The following RGS7 variants were observed in gnomAD, a reference collection of about 807,000 sequenced individuals.
RGS7 encodes the protein regulator of G protein signaling 7, also known as regulator of G-protein signaling 7.
In RGS7, 27 loss-of-function variants were observed where a neutral mutation model predicts 81.1. The observed-to-expected ratio is 0.33, with a 90% CI of 0.25 to 0.46. The LOEUF (loss-of-function observed/expected upper bound fraction) is 0.46. Ranked by LOEUF, RGS7 falls within the 20% of genes least tolerant of loss-of-function variation. The pLI is 1.00. For missense variants in RGS7, 396 were observed against 607.4 expected (o/e 0.65, Z 3.66); for synonymous variants, 208 against 207.7 (o/e 1.00, Z -0.01).
intron 6 of RGS7, among the ~76,000 whole-genome samples, chr1:240,903,606 A>G (rs188554843): frequency 6.6e-6 from 1 of 152,234 alleles, no homozygotes; most frequent in African/African-American, 2.4e-5. Flanking sequence ...GATGAGTCCA[A>G]GATTTTGCAA....
intron 2 of RGS7, among the ~76,000 whole-genome samples, chr1:241,190,460 T>C (rs2072552602): frequency 6.6e-6 from 1 of 152,142 alleles, no homozygotes. Flanking sequence ...AAAAATTGCA[T>C]TTATGTCCAT....
chr1:240,932,512 A>ATTTTTTTTT lies in RGS7; in HGVS notation c.334-1745_334-1744insAAAAAAAAA, dbSNP rs1388590625. Among the ~76,000 whole-genome samples the ATTTTTTTTT allele has an allele frequency of 2.7e-3, 43 of 16,066 alleles. 4 individuals carry two copies. Among genetic ancestry groups the ATTTTTTTTT allele is most frequent in the Non-Finnish European group, 3.0e-3 (28 of 9,466 alleles). 10.5% of individuals were successfully genotyped at this position (16,066 alleles called of 152,430 possible). On this transcript the variant is annotated intron_variant, in intron 5 of 18. Coordinates refer to ENST00000440928, the MANE Select transcript of RGS7 (RefSeq NM_001364886.1). ...AAACTTTGCTTTCATGTAGGGTGTC[A>ATTTTTTTTT]CTTTTTTTTTTTTTGAGACAGGGTC...
intron 4 of RGS7, among the ~76,000 whole-genome samples, chr1:240,975,394 T>A (rs1345767929): frequency 6.8e-6 from 1 of 147,852 alleles, no homozygotes; most frequent in Non-Finnish European, 1.5e-5. Flanking sequence ...AGAGCAAGAC[T>A]TCGTCTAAAC....
chr1:241,087,974 C>CTATA (rs1267222305), intron 3 of RGS7, among the ~76,000 whole-genome samples: 124 of 115,968 alleles, frequency 1.1e-3, no homozygotes, highest in Admixed American at 3.1e-3. Flanking sequence ...CTCTCTCTCT[C>CTATA]TCTATATATA....
chr1:241,245,940 T>TA (rs2076512646), intron 2 of RGS7, among the ~76,000 whole-genome samples: 1 of 150,584 alleles, frequency 6.6e-6, no homozygotes, highest in Non-Finnish European at 1.5e-5. Flanking sequence ...CCGTCTCTAC[T>TA]AAAAACACAA....
chr1:240,803,034 T>C, intron 15 of RGS7, 41 bp from the exon 16 acceptor site: 3 of 1,375,362 alleles, frequency 2.2e-6, no homozygotes, highest in Non-Finnish European at 3.1e-6. Context: ...TTATGATTTC[T>C]TGGGAAAAGT....
chr1:241,340,638 G>A (rs2082490193), intron 2 of RGS7, among the ~76,000 whole-genome samples: 1 of 151,930 alleles, frequency 6.6e-6, no homozygotes, highest in East Asian at 1.9e-4. Context: ...ACCCAAAAGG[G>A]TCAATTATTG....
At chr1:241,055,558 A>G (rs1174570773) in intron 3 of RGS7, among the ~76,000 whole-genome samples, 1 of 152,188 alleles carries the variant, frequency 6.6e-6, no homozygotes, top group Non-Finnish European at 1.5e-5. Flanking sequence ...AAGGATACAG[A>G]TGAACAGCCT....
At chr1:240,935,157 C>G (rs1418986067) in intron 5 of RGS7, among the ~76,000 whole-genome samples, 1 of 152,040 alleles carries the variant, frequency 6.6e-6, no homozygotes, top group Non-Finnish European at 1.5e-5. Context: ...CCTGGCCTCC[C>G]AAAGTGCTGG....
At chr1:240,975,461 C>T (rs1683932247) in intron 4 of RGS7, among the ~76,000 whole-genome samples, 1 of 151,964 alleles carries the variant, frequency 6.6e-6, no homozygotes, top group African/African-American at 2.4e-5. Context: ...CCTTGATACC[C>T]AGGAGTGACA....
chr1:241,008,883 G>C (rs1165833012), intron 3 of RGS7, among the ~76,000 whole-genome samples: 1 of 126,378 alleles, frequency 7.9e-6, no homozygotes, highest in Admixed American at 1.0e-4. Context: ...TTGCACTCCA[G>C]CCTGGGCAAC....
chr1:241,243,830 T>C (rs1381788768), intron 2 of RGS7, among the ~76,000 whole-genome samples: 1 of 152,098 alleles, frequency 6.6e-6, no homozygotes, highest in African/African-American at 2.4e-5. Context: ...GCAGAGAAAA[T>C]TTCTATTGCA....
intron 6 of RGS7, among the ~76,000 whole-genome samples, chr1:240,875,466 C>T (rs1665239919): frequency 6.6e-6 from 1 of 152,180 alleles, no homozygotes; most frequent in Non-Finnish European, 1.5e-5. Context: ...TGTATCTTGG[C>T]TATTGTGAAT....
At chr1:241,039,879 T>C (rs1397463251) in intron 3 of RGS7, among the ~76,000 whole-genome samples, 2 of 152,204 alleles carry the variant, frequency 1.3e-5, no homozygotes, top group East Asian at 3.9e-4. Flanking sequence ...CTTTGGAAAT[T>C]ACATGTTCAA....
intron 6 of RGS7, among the ~76,000 whole-genome samples, chr1:240,885,394 T>C (rs932268556): frequency 2.6e-5 from 4 of 152,162 alleles, no homozygotes; most frequent in Non-Finnish European, 4.4e-5. Flanking sequence ...GCAATCCCAT[T>C]ACTGGGACTA....
At chr1:241,260,795 C>T (rs1167096001) in intron 2 of RGS7, among the ~76,000 whole-genome samples, 1 of 151,910 alleles carries the variant, frequency 6.6e-6, no homozygotes, top group African/African-American at 2.4e-5. Flanking sequence ...TCTCATTCTG[C>T]TAAATCCTGG....
intron 2 of RGS7, among the ~76,000 whole-genome samples, chr1:241,334,549 G>A (rs544581003): frequency 6.6e-6 from 1 of 152,292 alleles, no homozygotes; most frequent in South Asian, 2.1e-4. Context: ...ACAGTGAAAG[G>A]CTGTTAGTTG....
chr1:240,782,014 CAA>C (rs113027458), intron 18 of RGS7, among the ~76,000 whole-genome samples: 1 of 128,930 alleles, frequency 7.8e-6, no homozygotes, highest in Non-Finnish European at 1.7e-5. Context: ...GACTCCGTCT[CAA>C]AAAAAAAAAA....
chr1:241,276,861 CT>C (rs1171928977), intron 2 of RGS7, among the ~76,000 whole-genome samples: 1 of 152,046 alleles, frequency 6.6e-6, no homozygotes, highest in African/African-American at 2.4e-5. Flanking sequence ...TATTTTATTT[CT>C]TTTCGTTCTT....
Sources: gnomAD v4.1 joint callset for allele counts (sites outside exome capture counted in the v4.1 genomes callset) on GRCh38, gnomAD v4.1.1 for gene constraint, MANE v1.5 for transcripts, NCBI Gene and HGNC (gene_info 2026-07-23, HGNC 2026-07-21) for gene names.